Variants in FBXL13 observed in about 807,000 individuals in gnomAD.
The protein encoded by FBXL13 is F-box and leucine-rich repeat protein 13.
FBXL13 carries 67 observed loss-of-function variants against 83.6 expected under a neutral mutation model. The ratio of observed to expected loss-of-function variants is 0.80; its 90% confidence interval spans 0.66 to 0.98. The LOEUF is 0.98. Ranked by LOEUF, FBXL13 falls within the 50% of genes least tolerant of loss-of-function variation. The pLI is 0.00. For synonymous variants in FBXL13, 272 were observed against 299.5 expected, an observed-to-expected ratio of 0.91 and a Z score of 0.95; for missense variants, 822 against 866.5, an observed-to-expected ratio of 0.95 and a Z score of 0.64.
intron 6 of FBXL13, among the ~76,000 whole-genome samples, chr7:102,969,082 T>C (rs1182375277): frequency 2.0e-5 from 3 of 152,222 alleles, no homozygotes; most frequent in Admixed American, 1.3e-4. Flanking sequence ...TAGTACTCTA[T>C]CTGTAGTTGT....
rs190882067 is a variant in FBXL13 at position 102,992,899 on chromosome 7, G to T, written c.496-24782C>A. Among the ~76,000 whole-genome samples, 45 of 152,234 alleles carry T rather than the reference G, an allele frequency of 3.0e-4. No individual in the cohort carries two copies. In the East Asian group the frequency reaches 8.3e-3, roughly 28 times the overall value. ...TGGGATTACAGGCATGAGCCACCACGCCCAGCCTGTAAACACTTTAACAGA... is the reference window on the plus strand; with the variant it reads ...TGGGATTACAGGCATGAGCCACCACTCCCAGCCTGTAAACACTTTAACAGA... On this transcript the variant is annotated intron_variant, in intron 6 of 19. Coordinates refer to ENST00000313221, the Ensembl canonical transcript of FBXL13.
chr7:102,817,139 G>A (rs1270803053), intron 19 of FBXL13, among the ~76,000 whole-genome samples: 2 of 152,280 alleles, frequency 1.3e-5, no homozygotes, highest in African/African-American at 4.8e-5. Context: ...TGGGATTACT[G>A]GATGAAATGG....
intron 2 of FBXL13, among the ~76,000 whole-genome samples, chr7:103,042,509 T>G (rs527689280): frequency 6.6e-6 from 1 of 152,176 alleles, no homozygotes; most frequent in African/African-American, 2.4e-5. Context: ...AAAGCCCACA[T>G]AGCCAAGGCA....
chr7:103,025,061 A>T lies in FBXL13; in HGVS notation c.495+2T>A, dbSNP rs1221214526. The T allele has an allele frequency of 6.2e-7, 1 of 1,606,190 alleles. No individual in the cohort carries two copies. The highest frequency in any genetic ancestry group is 1.1e-5 in the South Asian group (1 of 89,910). On this transcript the variant is annotated splice_donor_variant, in intron 6 of 19. Coordinates refer to ENST00000313221, the Ensembl canonical transcript of FBXL13. LOFTEE classifies it high-confidence loss of function. ...TATAATGTATACTGAATTCATACAA[A>T]CCTGTAATATTGCTCTTTCAGGTAA...
intron 5 of FBXL13, among the ~76,000 whole-genome samples, chr7:103,026,137 TTTTG>T (rs891121648): frequency 9.2e-5 from 14 of 151,948 alleles, no homozygotes; most frequent in Non-Finnish European, 1.2e-4. Flanking sequence ...TCAGGGATTT[TTTTG>T]TTTGTTTGTT....
At chr7:103,036,516 GATTT>G (rs775592767) in intron 2 of FBXL13, among the ~76,000 whole-genome samples, 5 of 152,000 alleles carry the variant, frequency 3.3e-5, no homozygotes, top group African/African-American at 9.6e-5. Context: ...GCAAATTACT[GATTT>G]ATTTATTTAT....
chr7:102,863,196 A>G (rs1481715923), intron 16 of FBXL13, among the ~76,000 whole-genome samples: 1 of 152,212 alleles, frequency 6.6e-6, no homozygotes, highest in Non-Finnish European at 1.5e-5. Flanking sequence ...CTTTGATTTA[A>G]ATACAATGGC....
intron 16 of FBXL13, among the ~76,000 whole-genome samples, chr7:102,867,695 A>ATATATATATTTT (rs1239781180): frequency 4.1e-5 from 2 of 49,078 alleles, no homozygotes; most frequent in African/African-American, 2.4e-4. Flanking sequence ...ATATATATAT[A>ATATATATATTTT]TTTTTTTTTT....
At chr7:102,940,824 A>AT (rs1419646680) in intron 8 of FBXL13, among the ~76,000 whole-genome samples, 1 of 152,222 alleles carries the variant, frequency 6.6e-6, no homozygotes, top group African/African-American at 2.4e-5. Flanking sequence ...TTTATAACAT[A>AT]TATAACACAA....
At chr7:103,013,562 A>T (rs1791893909) in intron 6 of FBXL13, among the ~76,000 whole-genome samples, 1 of 152,260 alleles carries the variant, frequency 6.6e-6, no homozygotes, top group Admixed American at 6.5e-5. Context: ...TTAAGGCAGA[A>T]ATCAAGAAAT....
intron 1 of FBXL13, among the ~76,000 whole-genome samples, chr7:103,064,902 C>T (rs369405191): frequency 2.2e-4 from 34 of 152,184 alleles, no homozygotes; most frequent in Non-Finnish European, 3.8e-4. Flanking sequence ...ACAGACCTGG[C>T]TGAACTCCCA....
intron 11 of FBXL13, among the ~76,000 whole-genome samples, chr7:102,905,934 G>T (rs970382315): frequency 6.6e-6 from 1 of 152,114 alleles, no homozygotes; most frequent in Non-Finnish European, 1.5e-5. Flanking sequence ...CCGTTTTCAT[G>T]CTGCTCATAA....
intron 17 of FBXL13, among the ~76,000 whole-genome samples, chr7:102,835,899 G>A (rs1031155336): frequency 3.3e-5 from 5 of 152,122 alleles, no homozygotes; most frequent in Admixed American, 1.3e-4. Context: ...GTGAGCCACC[G>A]CGCCCGGCCC....
intron 17 of FBXL13, among the ~76,000 whole-genome samples, chr7:102,843,686 G>C (rs942304991): frequency 6.6e-6 from 1 of 152,164 alleles, no homozygotes; most frequent in African/African-American, 2.4e-5. Context: ...TGAGACAGGA[G>C]AATCGCTTGA....
At chr7:102,923,894 T>G (rs931883656) in intron 10 of FBXL13, among the ~76,000 whole-genome samples, 1 of 152,000 alleles carries the variant, frequency 6.6e-6, no homozygotes, top group African/African-American at 2.4e-5. Flanking sequence ...GATAAAAATT[T>G]TATTCAATAA....
chr7:102,962,825 A>C (rs1585151455), intron 8 of FBXL13, among the ~76,000 whole-genome samples: 1 of 134,086 alleles, frequency 7.5e-6, no homozygotes, highest in Admixed American at 8.3e-5. Context: ...CACTCTGGGG[A>C]CTGTTGTGGG....
At chr7:103,058,240 C>T (rs1036467195) in intron 1 of FBXL13, among the ~76,000 whole-genome samples, 4 of 152,152 alleles carry the variant, frequency 2.6e-5, no homozygotes, top group African/African-American at 9.7e-5. Flanking sequence ...GATTTAGATC[C>T]CTCTCCCTCT....
intron 6 of FBXL13, among the ~76,000 whole-genome samples, chr7:102,983,330 A>T (rs1828495031): frequency 6.6e-6 from 1 of 152,076 alleles, no homozygotes; most frequent in Non-Finnish European, 1.5e-5. Flanking sequence ...ACTCACCAGA[A>T]GTTAGAGGCT....
intron 8 of FBXL13, among the ~76,000 whole-genome samples, chr7:102,947,211 A>C (rs1190031594): frequency 6.6e-6 from 1 of 152,204 alleles, no homozygotes; most frequent in Non-Finnish European, 1.5e-5. Context: ...AAGAGCCAAG[A>C]TTTGATGATG....
Sources: gnomAD v4.1 joint callset for allele counts (sites outside exome capture counted in the v4.1 genomes callset) on GRCh38, gnomAD v4.1.1 for gene constraint, MANE v1.5 for transcripts, NCBI Gene and HGNC (gene_info 2026-07-23, HGNC 2026-07-21) for gene names.